Variants in MCRS1 observed in about 807,000 individuals in gnomAD.
MCRS1 encodes the protein 58 kDa microspherule protein.
A neutral mutation model predicts 62.9 loss-of-function variants in MCRS1; 22 were observed. That is an observed-to-expected ratio of 0.35 (90% CI 0.25 to 0.50). The LOEUF is 0.50. Among genes scored for constraint, MCRS1 ranks in the 20% least tolerant of loss-of-function variants. The pLI is 0.98. For missense variants in MCRS1, 456 were observed against 601.1 expected (o/e 0.76, Z 2.52); for synonymous variants, 244 against 233.5 (o/e 1.04, Z -0.41).
chr12:49,559,579 G>T lies in MCRS1; in HGVS notation c.1004-44C>A. The T allele has an allele frequency of 6.2e-7, 1 of 1,602,918 alleles. No individual in the cohort carries two copies. The stretch of plus-strand genomic sequence containing the variant: ...TGGAAGAGCCTACCCCTGAGGGCCA[G>T]AATGCAAGGCAGGGAACCAGGGCAA... On this transcript the variant is annotated intron_variant, in intron 11 of 14. Coordinates refer to ENST00000343810, the MANE Select transcript of MCRS1 (RefSeq NM_006337.5). This position sits in a 1 kb window ranked among gnomAD's most constrained non-coding sequence, Gnocchi z 5.2.
intron 8 of MCRS1, among the ~76,000 whole-genome samples, chr12:49,561,412 C>T (rs1186771675): frequency 6.6e-6 from 1 of 152,106 alleles, no homozygotes; most frequent in Non-Finnish European, 1.5e-5. Flanking sequence ...CCATCAAGTC[C>T]CTCCCCACCA....
In MCRS1 at chr12:49,559,579, G is replaced by A. The variant is rs1306367339; in HGVS notation, c.1004-44C>T. 13 of 1,602,800 alleles carry A rather than the reference G, an allele frequency of 8.1e-6. No individual in the cohort carries two copies. The highest frequency in any genetic ancestry group is 3.3e-4 in the Middle Eastern group (2 of 6,072). ...TGGAAGAGCCTACCCCTGAGGGCCA[G>A]AATGCAAGGCAGGGAACCAGGGCAA... On this transcript the variant is annotated intron_variant, in intron 11 of 14. Coordinates refer to ENST00000343810, the MANE Select transcript of MCRS1 (RefSeq NM_006337.5). The surrounding 1 kb of genome is among the most constrained non-coding windows in gnomAD (Gnocchi z 5.2).
intron 1 of MCRS1, among the ~76,000 whole-genome samples, chr12:49,567,057 A>G (rs1939101206): frequency 6.6e-6 from 1 of 152,220 alleles, no homozygotes. Context: ...TATGGACTGC[A>G]GAAAAGGGTG....
intron 7 of MCRS1, 52 bp downstream of exon 7, chr12:49,563,386 G>T: frequency 6.5e-7 from 1 of 1,538,722 alleles, no homozygotes. Flanking sequence ...TTTCTAGGTG[G>T]TCCAGCTCTC....
At position 49,559,179 on chromosome 12, in the gene MCRS1, C is replaced by T. The variant is rs1273992149; in HGVS notation, c.1174+35G>A. On this transcript the variant is annotated intron_variant, in intron 13 of 14. Transcript: ENST00000343810. The surrounding 1 kb of genome is among the most constrained non-coding windows in gnomAD (Gnocchi z 5.2). ...CGAGAGGCTGGGAGGGACGACCTCA[C>T]ACTGCTTCCTGCTGGGGCAGGGGGT... 3 of 1,605,524 alleles carry T rather than the reference C, an allele frequency of 1.9e-6. No individual in the cohort carries two copies. The highest frequency in any genetic ancestry group is 2.6e-6 in the Non-Finnish European group (3 of 1,173,542).
chr12:49,563,290 CCT>C lies in MCRS1; in HGVS notation c.666+146_666+147del, dbSNP rs1363883360. ...GTCAGGCTTGGCTCTTCCTGAGGCC[CCT>C]GTCACAAACGCCCCTGCCAATGTGC... is the stretch of plus-strand genomic sequence containing the variant. On this transcript the variant is annotated intron_variant, in intron 7 of 14. Transcript: ENST00000343810. The C allele has an allele frequency of 3.1e-5, 44 of 1,397,888 alleles. No homozygotes were observed. In the South Asian group the frequency reaches 3.5e-4, roughly 11 times the overall value. The allele number at this position is 1,397,888 out of a possible 1,614,324, so 86.6% of individuals were successfully genotyped here.
Position 49,559,460 on chromosome 12 carries a change from G to A in MCRS1, c.1079C>T (p.Ser360Leu), listed in dbSNP as rs1187572691. 1 of 1,613,772 alleles carries A rather than the reference G, an allele frequency of 6.2e-7. No homozygotes were observed. Among genetic ancestry groups the A allele is most frequent in the Non-Finnish European group, 8.5e-7 (1 of 1,180,028 alleles). The change falls in exon 12 of 15, where the codon TCG becomes TTG. Residue 360 changes from serine (S) to leucine (L), a missense_variant. Ser to Leu is a moderately radical substitution (Grantham distance 145). Transcript: ENST00000343810. This position sits in a 1 kb window ranked among gnomAD's most constrained non-coding sequence, Gnocchi z 5.2. The stretch of plus-strand genomic sequence containing the variant: ...GGGATGGGCCTGCCTCACCTCACGC[G>A]AGCGCATCAGGTACCGCACCATGCG... The part of the protein sequence containing the change: ...RGRMVRYLMR[S>L]REITLGRATK...
In MCRS1 at chr12:49,559,569, C is replaced by A; in HGVS notation, c.1004-34G>T. Reference sequence around the variant, plus strand: ...AGAGGGAGTTTGGAAGAGCCTACCCCTGAGGGCCAGAATGCAAGGCAGGGA... The same window carrying A: ...AGAGGGAGTTTGGAAGAGCCTACCCATGAGGGCCAGAATGCAAGGCAGGGA... On this transcript the variant is annotated intron_variant, in intron 11 of 14. Transcript: ENST00000343810. This position sits in a 1 kb window ranked among gnomAD's most constrained non-coding sequence, Gnocchi z 5.2. 1.2e-6 allele frequency: 2 copies of A among 1,606,014 alleles called. No individual in the cohort carries two copies. Among genetic ancestry groups the A allele is most frequent in the Non-Finnish European group, 1.7e-6 (2 of 1,178,742 alleles).
In MCRS1 at chr12:49,563,082, A is replaced by G. The variant is rs1938857591; in HGVS notation, c.724T>C (p.Phe242Leu). 6.4e-7 allele frequency: 1 copy of G among 1,571,294 alleles called. No homozygotes were observed. The highest frequency in any genetic ancestry group is 1.4e-5 in the African/African-American group (1 of 74,022). The part of the protein sequence containing the change: ...QDLLHRHPDA[F>L]YLARTAKALQ... ...GCCTTCGCGGTACGGGCCAGGTAGA[A>G]GGCATCAGGGTGTCTGTGCAGCAGG... The change falls in exon 8 of 15, where the codon TTC becomes CTC. Residue 242 changes from phenylalanine (F) to leucine (L), a missense_variant. Physicochemically the swap from Phe to Leu is conservative, Grantham distance 22 (BLOSUM62 0). Coordinates refer to ENST00000343810, the MANE Select transcript of MCRS1 (RefSeq NM_006337.5).
intron 2 of MCRS1, 138 bp from the exon 3 acceptor site, chr12:49,566,353 G>A (rs1283147109): frequency 1.9e-6 from 3 of 1,567,130 alleles, no homozygotes; most frequent in Non-Finnish European, 2.6e-6. Context: ...TTTTAAGGTA[G>A]AGTTCCTTGG....
At position 49,564,852 on chromosome 12, in the gene MCRS1, G is replaced by GGGGCT. The variant is rs1293794798; in HGVS notation, c.327_331dup (p.Pro111GlnfsTer11). On this transcript the variant is annotated frameshift_variant, in exon 5 of 15. Coordinates refer to ENST00000343810, the MANE Select transcript of MCRS1 (RefSeq NM_006337.5). LOFTEE classifies it high-confidence loss of function. ...CACACGCTTGGTGAGTCCAGGGGCT[G>GGGGCT]GGGCTGGGCTGGGTGGCACAGGAGT... is the stretch of plus-strand genomic sequence containing the variant. The GGGGCT allele has an allele frequency of 6.2e-7, 1 of 1,613,328 alleles. No individual in the cohort carries two copies. Among genetic ancestry groups the GGGGCT allele is most frequent in the African/African-American group, 1.3e-5 (1 of 75,028 alleles).
At position 49,558,704 on chromosome 12, in the gene MCRS1, A is replaced by C; in HGVS notation, c.1328T>G (p.Leu443Arg). 1 of 1,613,948 alleles carries C rather than the reference A, an allele frequency of 6.2e-7. No individual in the cohort carries two copies. Among genetic ancestry groups the C allele is most frequent in the Non-Finnish European group, 8.5e-7 (1 of 1,180,032 alleles). The change falls in exon 15 of 15, where the codon CTT becomes CGT. Residue 443 changes from leucine to arginine, a missense_variant. By Grantham distance (102) the Leu-to-Arg change is moderately radical. Coordinates refer to ENST00000343810, the MANE Select transcript of MCRS1 (RefSeq NM_006337.5). ...VEIASLRFVFLINQDLIALIR... is the reference protein window; with the variant it reads ...VEIASLRFVFRINQDLIALIR... ...GAGGGCAATGAGGTCCTGGTTGATA[A>C]GGAAGACGAATCGCAGGCTGGCGAT...
chr12:49,561,491 T>C (rs1452192638), intron 8 of MCRS1, among the ~76,000 whole-genome samples: 1 of 152,170 alleles, frequency 6.6e-6, no homozygotes, highest in Admixed American at 6.5e-5. Flanking sequence ...TCCTGCCTAT[T>C]CCTAGGGTCT....
intron 8 of MCRS1, among the ~76,000 whole-genome samples, chr12:49,561,282 T>C (rs1400852998): frequency 6.6e-6 from 1 of 152,210 alleles, no homozygotes; most frequent in Non-Finnish European, 1.5e-5. Flanking sequence ...GTGTGCTCTA[T>C]AGCAGCTAGT....
intron 9 of MCRS1, 121 bp downstream of exon 9, chr12:49,560,174 C>T: frequency 2.4e-6 from 3 of 1,248,186 alleles, no homozygotes; most frequent in East Asian, 2.3e-5. Flanking sequence ...GGAGGGGGCT[C>T]AGCCAGGGGG....
intron 9 of MCRS1, 84 bp from the exon 10 acceptor site, chr12:49,560,051 T>C (rs1938678785): frequency 6.4e-7 from 1 of 1,568,510 alleles, no homozygotes; most frequent in African/African-American, 1.4e-5. Flanking sequence ...CTGAGCCCCT[T>C]TAGCCAAGTG....
intron 7 of MCRS1, 29 bp downstream of exon 7, chr12:49,563,409 T>G (rs766004196): frequency 6.3e-7 from 1 of 1,591,088 alleles, no homozygotes; most frequent in Admixed American, 1.7e-5. Context: ...TGTGCCCTGA[T>G]CCTCCACCTT....
chr12:49,561,974 C>T (rs1267208136), intron 8 of MCRS1, among the ~76,000 whole-genome samples: 3 of 152,168 alleles, frequency 2.0e-5, no homozygotes, highest in Non-Finnish European at 4.4e-5. Context: ...AAAAGTTATC[C>T]AGTCAGTATC....
chr12:49,562,524 A>G (rs553850237), intron 8 of MCRS1, among the ~76,000 whole-genome samples: 4 of 152,318 alleles, frequency 2.6e-5, no homozygotes, highest in Non-Finnish European at 5.9e-5. Context: ...TAGTGGGAAA[A>G]GAAGAGGAAG....
Sources: gnomAD v4.1 joint callset for allele counts (sites outside exome capture counted in the v4.1 genomes callset) on GRCh38, gnomAD v4.1.1 for gene constraint, Gnocchi (gnomAD v3.1) non-coding constraint, MANE v1.5 for transcripts, NCBI Gene and HGNC (gene_info 2026-07-23, HGNC 2026-07-21) for gene names.